Variants in EYS observed in about 807,000 individuals in gnomAD.
EYS encodes EGF-like photoreceptor maintenance factor.
In EYS, 250 loss-of-function variants were observed where a neutral mutation model predicts 282.1. The ratio of observed to expected loss-of-function variants is 0.89; its 90% CI spans 0.80 to 0.98. EYS has a LOEUF of 0.98. Ranked by LOEUF, EYS falls within the 50% of genes least tolerant of loss-of-function variation. The probability of loss-of-function intolerance (pLI) is 0.00; values close to 1 mark genes in which losing one functional copy is unlikely to be tolerated. For synonymous variants in EYS, 1,355 were observed against 1,282.9 expected (o/e 1.06, Z -1.20); for missense variants, 4,016 against 3,709.0 (o/e 1.08, Z -2.15).
intron 8 of EYS, among the ~76,000 whole-genome samples, chr6:65,357,339 C>T (rs570918417): frequency 7.9e-5 from 12 of 151,924 alleles, no homozygotes; most frequent in Admixed American, 5.3e-4. Context: ...ATATGAAATA[C>T]ATTCCTGGCC....
intron 12 of EYS, among the ~76,000 whole-genome samples, chr6:65,170,372 G>C (rs1308507383): frequency 6.6e-6 from 1 of 151,424 alleles, no homozygotes; most frequent in Non-Finnish European, 1.5e-5. Context: ...ACATTTTTGA[G>C]GCGAATATAT....
At chr6:63,946,726 ATTTTTTTTTT>A (rs10580253) in intron 35 of EYS, among the ~76,000 whole-genome samples, 3 of 135,658 alleles carry the variant, frequency 2.2e-5, no homozygotes, top group Non-Finnish European at 4.8e-5. Context: ...TTTATGAACT[ATTTTTTTTTT>A]TTTTTTTTGG....
rs934286124 is a variant in EYS, at chr6:64,103,210, T to C, written c.6425-21208A>G. Among the ~76,000 whole-genome samples, 4 of 152,128 alleles carry C rather than the reference T, an allele frequency of 2.6e-5. No homozygotes were observed. The East Asian group carries it at 7.7e-4, about 29-fold the overall frequency. On this transcript the variant is annotated intron_variant, in intron 31 of 42. Coordinates refer to ENST00000503581, the MANE Select transcript of EYS (RefSeq NM_001142800.2). The stretch of plus-strand genomic sequence containing the variant: ...CTTTCCTACCCACTCTATGGAAGAA[T>C]TGTAAACTAGATAAATAACTTACCA...
chr6:63,895,700 T>G (rs940631344), intron 35 of EYS, among the ~76,000 whole-genome samples: 1 of 148,784 alleles, frequency 6.7e-6, no homozygotes, highest in Non-Finnish European at 1.5e-5. Flanking sequence ...TTGCCTTACA[T>G]ACTATTTAAC....
At chr6:65,126,095 G>A (rs565385888) in intron 12 of EYS, among the ~76,000 whole-genome samples, 8 of 152,084 alleles carry the variant, frequency 5.3e-5, no homozygotes, top group Admixed American at 4.6e-4. Context: ...AACAAGTCAG[G>A]GTTTTGTTTC....
intron 2 of EYS, among the ~76,000 whole-genome samples, chr6:65,540,932 T>C (rs895203758): frequency 6.6e-6 from 1 of 152,036 alleles, no homozygotes; most frequent in African/African-American, 2.4e-5. Flanking sequence ...CTCAAAAAAA[T>C]TAGAGAAAGG....
At chr6:64,222,667 A>G (rs1287081539) in intron 31 of EYS, among the ~76,000 whole-genome samples, 2 of 152,076 alleles carry the variant, frequency 1.3e-5, no homozygotes, top group African/African-American at 2.4e-5. Flanking sequence ...GAGATTCTCA[A>G]CTAAACCCTA....
chr6:64,510,086 G>C (rs1213463618), intron 26 of EYS, among the ~76,000 whole-genome samples: 9 of 151,954 alleles, frequency 5.9e-5, no homozygotes, highest in Non-Finnish European at 1.2e-4. Flanking sequence ...TAATTTAAAG[G>C]CTGCTTTAAG....
intron 12 of EYS, among the ~76,000 whole-genome samples, chr6:65,187,696 C>T (rs1004760618): frequency 2.0e-5 from 3 of 151,526 alleles, no homozygotes; most frequent in Non-Finnish European, 3.0e-5. Flanking sequence ...ATTTAGTTTC[C>T]AAGAAAAAGC....
chr6:64,707,130 CAT>C (rs35121534), intron 22 of EYS, among the ~76,000 whole-genome samples: 98,868 of 149,230 alleles, frequency 0.66, 33,385 homozygotes, highest in Middle Eastern at 0.77. Flanking sequence ...CACACACACA[CAT>C]ATATATATGT....
At chr6:64,399,315 G>T (rs1773475359) in intron 28 of EYS, among the ~76,000 whole-genome samples, 1 of 151,378 alleles carries the variant, frequency 6.6e-6, no homozygotes. Context: ...ATCCACACTT[G>T]GCTTTTATAA....
intron 2 of EYS, among the ~76,000 whole-genome samples, chr6:65,553,327 C>T (rs1013546650): frequency 6.6e-6 from 1 of 152,040 alleles, no homozygotes; most frequent in South Asian, 2.1e-4. Context: ...AGGTTCCTTT[C>T]ATGGGATATA....
At chr6:64,045,428 TTTTATTTTA>T (rs869309320) in intron 33 of EYS, among the ~76,000 whole-genome samples, 13 of 134,622 alleles carry the variant, frequency 9.7e-5, no homozygotes, top group African/African-American at 2.3e-4. Flanking sequence ...TTTTATTTTA[TTTTATTTTA>T]TTTATTTTAT....
intron 35 of EYS, among the ~76,000 whole-genome samples, chr6:63,882,582 C>T (rs532427683): frequency 2.6e-5 from 4 of 152,236 alleles, no homozygotes; most frequent in African/African-American, 9.6e-5. Flanking sequence ...GATATCATCC[C>T]GTTTTGCATT....
intron 9 of EYS, among the ~76,000 whole-genome samples, chr6:65,351,020 CT>C (rs1344022452): frequency 6.6e-6 from 1 of 151,694 alleles, no homozygotes; most frequent in African/African-American, 2.4e-5. Flanking sequence ...AAAAGAAGAT[CT>C]TAATGGCAAT....
chr6:65,415,577 C>T (rs1005508974), intron 5 of EYS, among the ~76,000 whole-genome samples: 3 of 151,984 alleles, frequency 2.0e-5, no homozygotes, highest in South Asian at 4.2e-4. Context: ...CACATGGAAT[C>T]CCGCCCACCG....
intron 5 of EYS, among the ~76,000 whole-genome samples, chr6:65,414,173 T>C (rs1276269228): frequency 6.6e-6 from 1 of 152,100 alleles, no homozygotes; most frequent in African/African-American, 2.4e-5. Context: ...GAGAGCATGC[T>C]TAGGTATTCA....
intron 13 of EYS, among the ~76,000 whole-genome samples, chr6:65,006,958 G>A (rs577485997): frequency 1.3e-5 from 2 of 152,308 alleles, no homozygotes; most frequent in African/African-American, 4.8e-5. Flanking sequence ...TTACAAGAAT[G>A]CATCTTGATG....
chr6:65,357,084 A>G (rs1411122081), intron 8 of EYS, among the ~76,000 whole-genome samples: 2 of 152,032 alleles, frequency 1.3e-5, no homozygotes, highest in Admixed American at 6.6e-5. Flanking sequence ...CAACTGAGCC[A>G]TTAATCTTGA....
Sources: allele counts gnomAD v4.1 joint callset (sites outside exome capture counted in the v4.1 genomes callset), GRCh38; gene constraint gnomAD v4.1.1; transcripts MANE v1.5; gene names NCBI Gene and HGNC (gene_info 2026-07-23, HGNC 2026-07-21).